ZNF395: variants seen among roughly 807,000 people sequenced by gnomAD.
ZNF395 encodes HD gene regulatory region-binding protein 2.
Under a neutral mutation model 57.7 loss-of-function variants are expected in ZNF395, and 20 were observed. That is an observed-to-expected ratio of 0.35 (90% CI 0.24 to 0.50). The LOEUF (loss-of-function observed/expected upper bound fraction) is 0.50, where lower values mean the gene tolerates loss of function less well. Among genes scored for constraint, ZNF395 ranks in the 20% least tolerant of loss-of-function variants. ZNF395 has a pLI of 0.97. For synonymous variants in ZNF395, 295 were observed against 275.9 expected (o/e 1.07, Z -0.69); for missense variants, 606 against 671.2 (o/e 0.90, Z 1.07).
In ZNF395 at chr8:28,349,238, G is replaced by A. The variant is rs371947218; in HGVS notation, c.1327-10C>T. On this transcript the variant is annotated splice_polypyrimidine_tract_variant and intron_variant, in intron 8 of 9. Transcript: ENST00000344423. ...GCGACCGGCTCCGGACCTGGGCGTGGGGAGAGGGGCTGTGAGCACAGGGAC... is the reference window on the plus strand; with the variant it reads ...GCGACCGGCTCCGGACCTGGGCGTGAGGAGAGGGGCTGTGAGCACAGGGAC... 60 of 1,529,064 alleles carry A rather than the reference G, an allele frequency of 3.9e-5. No homozygotes were observed. The highest frequency in any genetic ancestry group is 2.4e-4 in the African/African-American group (17 of 72,114). The allele number at this position is 1,529,064 out of a possible 1,614,324, so 94.7% of individuals were successfully genotyped here. A position where few individuals can be genotyped will look rare whatever the true frequency, so the allele number is the denominator to read the frequency against.
intron 1 of ZNF395, among the ~76,000 whole-genome samples, chr8:28,374,843 C>T (rs551593349): frequency 6.6e-6 from 1 of 152,326 alleles, no homozygotes; most frequent in East Asian, 1.9e-4. Context: ...CAGCCCTTGC[C>T]CAATCACACT....
Position 28,352,171 on chromosome 8 carries a change from ACTCG to A in ZNF395, c.921-368_921-365del, listed in dbSNP as rs781616725. Among the ~76,000 whole-genome samples the A allele has an allele frequency of 5.3e-5, 8 of 152,090 alleles. No individual in the cohort carries two copies. Among genetic ancestry groups the A allele is most frequent in the Non-Finnish European group, 1.2e-4 (8 of 68,018 alleles). ...AGCTCCTACCACTAGCAGCCTGCAA[ACTCG>A]CTCTGCACAGAACACGGCGGAGGCA... On this transcript the variant is annotated intron_variant, in intron 6 of 9. Coordinates refer to ENST00000344423, the MANE Select transcript of ZNF395 (RefSeq NM_018660.3). The surrounding 1 kb of genome is among the most constrained non-coding windows in gnomAD (Gnocchi z 4.0).
Position 28,352,166 on chromosome 8 carries a change from T to C in ZNF395, c.921-359A>G, listed in dbSNP as rs1801722777. Among the ~76,000 whole-genome samples the C allele has an allele frequency of 6.6e-6, 1 of 152,132 alleles. No individual in the cohort carries two copies. The highest frequency in any genetic ancestry group is 1.5e-5 in the Non-Finnish European group (1 of 68,020). On this transcript the variant is annotated intron_variant, in intron 6 of 9. Transcript: ENST00000344423. This position sits in a 1 kb window ranked among gnomAD's most constrained non-coding sequence, Gnocchi z 4.0. ...GAGTCAGCTCCTACCACTAGCAGCCTGCAAACTCGCTCTGCACAGAACACG... is the reference window on the plus strand; with the variant it reads ...GAGTCAGCTCCTACCACTAGCAGCCCGCAAACTCGCTCTGCACAGAACACG...
chr8:28,356,586 A>G lies in ZNF395; in HGVS notation c.583+84T>C. On this transcript the variant is annotated intron_variant, in intron 4 of 9. Transcript: ENST00000344423. The surrounding 1 kb of genome is among the most constrained non-coding windows in gnomAD (Gnocchi z 4.0). ...GACATTCTATTGCCAGGCTGGTGAC[A>G]TAGGCAACTAGCTGCTCTGCACAGA... is the stretch of plus-strand genomic sequence containing the variant. The G allele has an allele frequency of 1.0e-6, 1 of 982,818 alleles. No individual in the cohort carries two copies. Among genetic ancestry groups the G allele is most frequent in the Non-Finnish European group, 1.5e-6 (1 of 655,488 alleles). The allele number at this position is 982,818 out of a possible 1,614,324, so 60.9% of individuals were successfully genotyped here.
intron 1 of ZNF395, among the ~76,000 whole-genome samples, chr8:28,378,069 C>T (rs370266213): frequency 7.9e-5 from 12 of 151,968 alleles, no homozygotes; most frequent in African/African-American, 2.7e-4. Context: ...GATCCTACTA[C>T]TTGTCTACAT....
In ZNF395 at chr8:28,361,031, G is replaced by A. The variant is rs1801842662; in HGVS notation, c.94C>T (p.Pro32Ser). The A allele has an allele frequency of 6.2e-6, 10 of 1,610,158 alleles. No homozygotes were observed. The highest frequency in any genetic ancestry group is 8.5e-6 in the Non-Finnish European group (10 of 1,178,146). Residue 32 changes from proline (P) to serine (S), a missense_variant, in exon 2 of 10, where the codon CCA becomes TCA. This residue lies in a region of ZNF395 where 309 missense variants were observed against 374.7 expected (regional missense o/e 0.82). Transcript: ENST00000344423. Reference sequence around the variant, plus strand: ...CCTTCTAGCAGTGGCTCCGAGGGTGGGGCAGCCGAGGGCCCCTCCGAGGCA... The same window carrying A: ...CCTTCTAGCAGTGGCTCCGAGGGTGAGGCAGCCGAGGGCCCCTCCGAGGCA... ...PSASEGPSAAPPSEPLLEGAA... is the reference protein window; with the variant it reads ...PSASEGPSAASPSEPLLEGAA...
At chr8:28,386,173 A>ACCTGGCCGGCCTGCCCT (rs1802178165) in intron 1 of ZNF395, 1 of 146,188 alleles carries the variant, frequency 6.8e-6, no homozygotes, top group African/African-American at 2.5e-5. Flanking sequence ...GTTGGCGCCC[A>ACCTGGCCGGCCTGCCCT]CCTGGCCGGC....
intron 1 of ZNF395, among the ~76,000 whole-genome samples, chr8:28,374,796 C>T (rs1367260142): frequency 1.3e-5 from 2 of 152,248 alleles, no homozygotes; most frequent in Non-Finnish European, 2.9e-5. Context: ...CCCAGCACTG[C>T]AGCACTCCAA....
At chr8:28,369,209 T>C (rs1379505855) in intron 1 of ZNF395, among the ~76,000 whole-genome samples, 1 of 151,686 alleles carries the variant, frequency 6.6e-6, no homozygotes, top group African/African-American at 2.4e-5. Flanking sequence ...GTCATTTGAA[T>C]GGATCATCAC....
intron 1 of ZNF395, among the ~76,000 whole-genome samples, chr8:28,365,161 C>G (rs1407982210): frequency 1.3e-5 from 2 of 152,226 alleles, no homozygotes; most frequent in African/African-American, 4.8e-5. Context: ...AATCAGCACA[C>G]TCATGACATT....
chr8:28,357,988 T>C (rs900666769), intron 3 of ZNF395, among the ~76,000 whole-genome samples: 1 of 152,152 alleles, frequency 6.6e-6, no homozygotes, highest in Non-Finnish European at 1.5e-5. Context: ...TAAAGCAAAA[T>C]ACATTCTTCA....
In ZNF395 at chr8:28,361,058, T is replaced by C. The variant is rs1285307977; in HGVS notation, c.67A>G (p.Ser23Gly). The C allele has an allele frequency of 6.2e-7, 1 of 1,612,208 alleles. No homozygotes were observed. The highest frequency in any genetic ancestry group is 1.1e-5 in the South Asian group (1 of 90,980). ...SLLGARVLGP[S>G]ASEGPSAAPP... ...GCAGCCGAGGGCCCCTCCGAGGCAC[T>C]GGGTCCCAACACCCGGGCTCCCAGG... is the stretch of plus-strand genomic sequence containing the variant. Residue 23 changes from serine to glycine, a missense_variant, in exon 2 of 10, where the codon AGT (serine) becomes GGT (glycine). Ser to Gly is a moderately conservative substitution (Grantham distance 56). Transcript: ENST00000344423.
At position 28,355,930 on chromosome 8, in the gene ZNF395, G is replaced by A. The variant is rs566723140; in HGVS notation, c.583+740C>T. 3.9e-5 allele frequency among the ~76,000 whole-genome samples: 6 copies of A among 152,192 alleles called. No homozygotes were observed. The East Asian group carries it at 1.2e-3, about 29-fold the overall frequency. On this transcript the variant is annotated intron_variant, in intron 4 of 9. Transcript: ENST00000344423. The stretch of plus-strand genomic sequence containing the variant: ...GAGCTAACTCCATATTTTCCTGTAA[G>A]TTTATAAGTAGCTTGCAATTCAGTT...
Position 28,349,980 on chromosome 8 carries a change from G to A in ZNF395, c.1326+84C>T. On this transcript the variant is annotated intron_variant, in intron 8 of 9. Coordinates refer to ENST00000344423, the MANE Select transcript of ZNF395 (RefSeq NM_018660.3). ...ACCGACCTGTGGCCACGTGCCCCGT[G>A]CCCAAGGGATGGCCTCCAGCCCTGG... The A allele has an allele frequency of 2.3e-6, 3 of 1,296,382 alleles. No individual in the cohort carries two copies. The East Asian group carries it at 8.0e-5, about 35-fold the overall frequency. 80.3% of individuals were successfully genotyped at this position (1,296,382 alleles called of 1,614,324 possible).
chr8:28,381,014 AGT>A (rs10561721), intron 1 of ZNF395, among the ~76,000 whole-genome samples: 7,751 of 134,176 alleles, frequency 0.058, 218 homozygotes, highest in East Asian at 0.11. Context: ...ACACCCTGCT[AGT>A]GTGTGTGTGT....
chr8:28,348,936 G>C (rs765827208), intron 9 of ZNF395, 106 bp from the exon 10 acceptor site: 1 of 1,301,298 alleles, frequency 7.7e-7, no homozygotes, highest in East Asian at 2.3e-5. Flanking sequence ...GGCAGCTCCC[G>C]GCAAAAGTCA....
At chr8:28,360,832 C>T (rs974341660) in intron 2 of ZNF395, 53 bp downstream of exon 2, 14 of 1,595,872 alleles carry the variant, frequency 8.8e-6, no homozygotes, top group Non-Finnish European at 1.1e-5. Flanking sequence ...ACCCCAGCCC[C>T]CTACCCCAAG....
Position 28,360,873 on chromosome 8 carries a change from G to C in ZNF395, c.240+12C>G, listed in dbSNP as rs370073374. The C allele has an allele frequency of 1.2e-6, 2 of 1,612,922 alleles. No individual in the cohort carries two copies. The highest frequency in any genetic ancestry group is 1.7e-6 in the Non-Finnish European group (2 of 1,179,622). Reference sequence around the variant, plus strand: ...CAAGACGGGACACCTGTCCATGTTGGGATCAACCTACCTTCTGCCCAGGCT... The same window carrying C: ...CAAGACGGGACACCTGTCCATGTTGCGATCAACCTACCTTCTGCCCAGGCT... On this transcript the variant is annotated intron_variant, in intron 2 of 9. Coordinates refer to ENST00000344423, the MANE Select transcript of ZNF395 (RefSeq NM_018660.3).
At chr8:28,376,871 C>T (rs978784579) in intron 1 of ZNF395, among the ~76,000 whole-genome samples, 8 of 152,318 alleles carry the variant, frequency 5.3e-5, no homozygotes, top group South Asian at 2.1e-4. Context: ...GTTAAGTCAG[C>T]GCACCCCAAA....
Sources: gnomAD v4.1 joint callset for allele counts (sites outside exome capture counted in the v4.1 genomes callset) on GRCh38, gnomAD v4.1.1 for gene constraint, gnomAD v4.1.1 regional missense constraint, Gnocchi (gnomAD v3.1) non-coding constraint, MANE v1.5 for transcripts, NCBI Gene and HGNC (gene_info 2026-07-23, HGNC 2026-07-21) for gene names.